The following MLF1 variants were observed in gnomAD, a reference collection of about 807,000 sequenced individuals.
MLF1 encodes myelodysplasia-myeloid leukemia factor 1.
Under a neutral mutation model 38.3 loss-of-function variants are expected in MLF1, and 37 were observed. That is an observed-to-expected ratio of 0.96 (90% confidence interval 0.74 to 1.27). The LOEUF is 1.27. Ranked by LOEUF, MLF1 falls within the 50% of genes most tolerant of loss-of-function variation. The pLI, the probability that MLF1 is intolerant of heterozygous loss-of-function variation, is 0.00. For synonymous variants in MLF1, 95 were observed against 106.5 expected (o/e 0.89, Z 0.66); for missense variants, 331 against 349.2 (o/e 0.95, Z 0.42).
intron 1 of MLF1, among the ~76,000 whole-genome samples, chr3:158,578,757 G>A (rs1456112870): frequency 6.6e-6 from 1 of 152,134 alleles, no homozygotes; most frequent in Non-Finnish European, 1.5e-5. Flanking sequence ...AGTCATCAGT[G>A]AGTAAAAGTA....
At chr3:158,597,094 A>C in intron 4 of MLF1, 149 bp downstream of exon 4, 1 of 507,548 alleles carries the variant, frequency 2.0e-6, no homozygotes, top group Non-Finnish European at 3.6e-6. Context: ...ATACTTTATA[A>C]ATATATTTGA....
At chr3:158,575,619 G>GCT (rs1715310831) in intron 1 of MLF1, among the ~76,000 whole-genome samples, 1 of 152,118 alleles carries the variant, frequency 6.6e-6, no homozygotes, top group Non-Finnish European at 1.5e-5. Flanking sequence ...GAAACACATA[G>GCT]CTCATGCCCA....
chr3:158,595,812 A>G (rs575017929), intron 3 of MLF1, among the ~76,000 whole-genome samples: 45 of 152,320 alleles, frequency 3.0e-4, no homozygotes, highest in African/African-American at 1.1e-3. Context: ...AGGAGGATTC[A>G]GAGCTCCGCT....
chr3:158,591,630 G>A (rs761528670), intron 1 of MLF1, among the ~76,000 whole-genome samples: 1 of 152,062 alleles, frequency 6.6e-6, no homozygotes, highest in Non-Finnish European at 1.5e-5. Flanking sequence ...GATTGCCTTG[G>A]TAAAGTGAGC....
chr3:158,592,607 AGTG>A (rs776583915), intron 2 of MLF1, 26 bp downstream of exon 2: 470 of 1,490,998 alleles, frequency 3.2e-4, no homozygotes, highest in Admixed American at 6.6e-4. Context: ...TAAGACAGTT[AGTG>A]AGAAGGCCCT....
At chr3:158,581,083 C>T (rs1197191879) in intron 1 of MLF1, among the ~76,000 whole-genome samples, 1 of 152,084 alleles carries the variant, frequency 6.6e-6, no homozygotes, top group Non-Finnish European at 1.5e-5. Context: ...ATCTCTGCCC[C>T]CATAATTGGA....
chr3:158,584,646 C>T (rs893755886), intron 1 of MLF1, among the ~76,000 whole-genome samples: 2 of 146,276 alleles, frequency 1.4e-5, no homozygotes, highest in Non-Finnish European at 3.0e-5. Context: ...GATATTTAAT[C>T]TCCATAAAGA....
At chr3:158,577,190 A>T (rs1427638293) in intron 1 of MLF1, among the ~76,000 whole-genome samples, 1 of 152,184 alleles carries the variant, frequency 6.6e-6, no homozygotes, top group Non-Finnish European at 1.5e-5. Flanking sequence ...TTATTAAAGG[A>T]CATTGCTTTG....
At chr3:158,582,157 G>A (rs1159382213) in intron 1 of MLF1, among the ~76,000 whole-genome samples, 1 of 152,034 alleles carries the variant, frequency 6.6e-6, no homozygotes, top group African/African-American at 2.4e-5. Flanking sequence ...TCCAGCCTGG[G>A]CAACAGAGGG....
At chr3:158,599,368 C>T (rs530862473) in intron 5 of MLF1, among the ~76,000 whole-genome samples, 1 of 152,072 alleles carries the variant, frequency 6.6e-6, no homozygotes, top group Non-Finnish European at 1.5e-5. Context: ...CTTGTTAGTA[C>T]TTATAGTAAA....
chr3:158,582,920 ATAAGT>A (rs768288669), intron 1 of MLF1: 5 of 686,134 alleles, frequency 7.3e-6, no homozygotes, highest in African/African-American at 1.8e-5. Context: ...GCATCAGAGA[ATAAGT>A]TAAGGTAAAA....
At chr3:158,596,367 G>C (rs1427623932) in intron 3 of MLF1, among the ~76,000 whole-genome samples, 1 of 152,184 alleles carries the variant, frequency 6.6e-6, no homozygotes, top group South Asian at 2.1e-4. Context: ...ATGATGAGAG[G>C]AAGGCTGGCT....
chr3:158,589,585 C>G (rs1717822370), intron 1 of MLF1, among the ~76,000 whole-genome samples: 1 of 152,138 alleles, frequency 6.6e-6, no homozygotes, highest in African/African-American at 2.4e-5. Context: ...GATACAGTTC[C>G]TACTCTAGAA....
chr3:158,603,145 T>A (rs1163942082), intron 7 of MLF1, among the ~76,000 whole-genome samples: 2 of 152,160 alleles, frequency 1.3e-5, no homozygotes, highest in African/African-American at 4.8e-5. Context: ...AGTTTAGGAT[T>A]TTATGGTTAG....
intron 1 of MLF1, among the ~76,000 whole-genome samples, chr3:158,579,863 T>C (rs1307015137): frequency 1.3e-5 from 2 of 152,220 alleles, no homozygotes; most frequent in African/African-American, 4.8e-5. Context: ...CTCCATACTT[T>C]AACCATACTC....
At chr3:158,586,832 G>C (rs1290524931) in intron 1 of MLF1, among the ~76,000 whole-genome samples, 1 of 152,086 alleles carries the variant, frequency 6.6e-6, no homozygotes, top group African/African-American at 2.4e-5. Context: ...CAAGTTACTA[G>C]AATATAAAAA....
intron 1 of MLF1, among the ~76,000 whole-genome samples, chr3:158,579,164 TC>T (rs1353232417): frequency 2.6e-5 from 4 of 152,166 alleles, no homozygotes; most frequent in Non-Finnish European, 4.4e-5. Context: ...CAATTTGTTT[TC>T]CTAGAAGAAT....
intron 6 of MLF1, 80 bp downstream of exon 6, chr3:158,600,253 C>T: frequency 3.7e-6 from 3 of 817,618 alleles, no homozygotes; most frequent in Non-Finnish European, 5.1e-6. Context: ...TTTTTAGAAA[C>T]ATGTCATAAG....
At chr3:158,575,470 G>A (rs902690428) in intron 1 of MLF1, among the ~76,000 whole-genome samples, 12 of 152,028 alleles carry the variant, frequency 7.9e-5, no homozygotes, top group African/African-American at 2.9e-4. Flanking sequence ...GTTTATTTCG[G>A]GTAATCTATT....
Sources: allele counts gnomAD v4.1 joint callset (sites outside exome capture counted in the v4.1 genomes callset), GRCh38; gene constraint gnomAD v4.1.1; transcripts MANE v1.5; gene names NCBI Gene and HGNC (gene_info 2026-07-23, HGNC 2026-07-21).